PCDHGA4: variants seen among roughly 807,000 people sequenced by gnomAD.
PCDHGA4 encodes the protein protocadherin gamma subfamily A, 4, also known as protocadherin gamma-A4.
In PCDHGA4, 38 loss-of-function variants were observed where a neutral mutation model predicts 54.6. The observed-to-expected ratio is 0.70, with a 90% CI of 0.54 to 0.91. The LOEUF (loss-of-function observed/expected upper bound fraction) is 0.91. Among genes scored for constraint, PCDHGA4 ranks in the 40% least tolerant of loss-of-function variants. The pLI, the probability that PCDHGA4 is intolerant of heterozygous loss-of-function variation, is 0.00. For missense variants in PCDHGA4, 1,298 were observed against 1,220.9 expected, an observed-to-expected ratio of 1.06 and a Z score of -0.94; for synonymous variants, 511 against 512.9, an observed-to-expected ratio of 1.00 and a Z score of 0.05.
intron 1 of PCDHGA4, chr5:141,365,242 A>G (rs536146431): frequency 6.2e-7 from 1 of 1,613,960 alleles, no homozygotes; most frequent in Admixed American, 1.7e-5. Flanking sequence ...TCTCAACTCT[A>G]CAATCACTGG....
chr5:141,374,328 G>A, intron 1 of PCDHGA4: 5 of 1,613,996 alleles, frequency 3.1e-6, no homozygotes, highest in Non-Finnish European at 4.2e-6. Context: ...CCGCGAAACG[G>A]CAGCTTGGTC....
At chr5:141,471,590 T>C (rs2099260583) in intron 1 of PCDHGA4, 1 of 152,120 alleles carries the variant, frequency 6.6e-6, no homozygotes. Flanking sequence ...AAGTAATTGA[T>C]AGTTTCAAAA....
chr5:141,481,730 G>A (rs778885944), intron 1 of PCDHGA4, among the ~76,000 whole-genome samples: 1 of 151,952 alleles, frequency 6.6e-6, no homozygotes, highest in African/African-American at 2.4e-5. Context: ...GAGGCGGGCG[G>A]ATCACGAGGT....
At position 141,395,545 on chromosome 5, in the gene PCDHGA4, TGTG is replaced by T. The variant is rs1561655187; in HGVS notation, c.2514+37925_2514+37927del. The T allele has an allele frequency of 2.9e-4, 51 of 177,126 alleles. 1 individual carries two copies. The highest frequency in any genetic ancestry group is 1.2e-3 in the African/African-American group (46 of 38,988). 11.0% of individuals were successfully genotyped at this position (177,126 alleles called of 1,614,324 possible). A position where few individuals can be genotyped will look rare whatever the true frequency, so the allele number is the denominator to read the frequency against. ...ATACTGGTAATTTTGCTATTGTTTG[TGTG>T]TGTGTGTGTGTGTGTGTGTGTGTGT... is the stretch of plus-strand genomic sequence containing the variant. On this transcript the variant is annotated intron_variant, in intron 1 of 3. Coordinates refer to ENST00000571252, the MANE Select transcript of PCDHGA4 (RefSeq NM_018917.4).
chr5:141,421,885 G>T, intron 1 of PCDHGA4: 1 of 1,613,692 alleles, frequency 6.2e-7, no homozygotes, highest in Non-Finnish European at 8.5e-7. Context: ...AGATGGAGGC[G>T]ATCCCATCCG....
At chr5:141,460,965 G>A (rs1398642676) in intron 1 of PCDHGA4, among the ~76,000 whole-genome samples, 21 of 114,476 alleles carry the variant, frequency 1.8e-4, no homozygotes, top group African/African-American at 8.5e-4. Flanking sequence ...ATATATATGT[G>A]TGTGTGTGTG....
At position 141,489,125 on chromosome 5, in the gene PCDHGA4, G is replaced by T. The variant is rs537146985; in HGVS notation, c.2515-5682G>T. 1.1e-4 allele frequency: 77 copies of T among 728,124 alleles called. No individual in the cohort carries two copies. The East Asian group carries it at 1.9e-3, about 18-fold the overall frequency. 45.1% of individuals were successfully genotyped at this position (728,124 alleles called of 1,614,324 possible). A position where few individuals can be genotyped will look rare whatever the true frequency, so the allele number is the denominator to read the frequency against. ...CTGCAAGCAGGCAAACCTCCGAGCAGTTTTTAAGAGGCTGGAAGGAGACAT... is the reference window on the plus strand; with the variant it reads ...CTGCAAGCAGGCAAACCTCCGAGCATTTTTTAAGAGGCTGGAAGGAGACAT... On this transcript the variant is annotated intron_variant, in intron 1 of 3. Coordinates refer to ENST00000571252, the MANE Select transcript of PCDHGA4 (RefSeq NM_018917.4). The surrounding 1 kb of genome is among the most constrained non-coding windows in gnomAD (Gnocchi z 4.5).
At chr5:141,419,172 T>A in intron 1 of PCDHGA4, 1 of 1,613,914 alleles carries the variant, frequency 6.2e-7, no homozygotes, top group Non-Finnish European at 8.5e-7. Context: ...AGCAAAACCA[T>A]AACCCTGCAC....
rs1353944459 is a variant in PCDHGA4, at chr5:141,365,774, G to A, written c.2514+8153G>A. 3 of 1,613,874 alleles carry A rather than the reference G, an allele frequency of 1.9e-6. No individual in the cohort carries two copies. The highest frequency in any genetic ancestry group is 1.3e-5 in the African/African-American group (1 of 75,032). On this transcript the variant is annotated intron_variant, in intron 1 of 3. Transcript: ENST00000571252. ...TGTGACAGCCCATGACCCCGACAGC[G>A]GCGACAACGCTCGAGTCACCTACTC...
rs1001555249 is a variant in PCDHGA4, at chr5:141,486,728, G to A, written c.2515-8079G>A. The A allele has an allele frequency of 1.2e-6, 2 of 1,614,200 alleles. No homozygotes were observed. The highest frequency in any genetic ancestry group is 1.7e-6 in the Non-Finnish European group (2 of 1,180,052). On this transcript the variant is annotated intron_variant, in intron 1 of 3. Transcript: ENST00000571252. This position sits in a 1 kb window ranked among gnomAD's most constrained non-coding sequence, Gnocchi z 5.0. Reference sequence around the variant, plus strand: ...GAACCCCCAGACAGGAGCTGTTCATGCTACTCGATCCTTTGACTATGAGCA... The same window carrying A: ...GAACCCCCAGACAGGAGCTGTTCATACTACTCGATCCTTTGACTATGAGCA...
At chr5:141,419,576 G>A (rs958064613) in intron 1 of PCDHGA4, 10 of 1,611,766 alleles carry the variant, frequency 6.2e-6, no homozygotes, top group Non-Finnish European at 6.8e-6. Flanking sequence ...CGACGGCTCC[G>A]CGCTCTTCGA....
At chr5:141,357,680 A>C (rs913716274) in intron 1 of PCDHGA4, 59 bp downstream of exon 1, 1 of 1,580,070 alleles carries the variant, frequency 6.3e-7, no homozygotes, top group Admixed American at 1.8e-5. Flanking sequence ...AGTTGTGTAA[A>C]TGTCTCTCAT....
intron 1 of PCDHGA4, chr5:141,414,679 G>T: frequency 6.2e-7 from 1 of 1,613,960 alleles, no homozygotes; most frequent in South Asian, 1.1e-5. Context: ...CACCATCCAG[G>T]GGGTACCTCT....
At chr5:141,423,701 G>A in intron 1 of PCDHGA4, 1 of 1,312,668 alleles carries the variant, frequency 7.6e-7, no homozygotes, top group Non-Finnish European at 9.9e-7. Flanking sequence ...TGGTGTCTTG[G>A]CACAAGTCTT....
At chr5:141,423,050 G>T (rs1434973750) in intron 1 of PCDHGA4, 2 of 1,614,068 alleles carry the variant, frequency 1.2e-6, no homozygotes, top group Admixed American at 1.7e-5. Context: ...CTGTCCTATC[G>T]CCTGCTTAAG....
chr5:141,370,453 T>A lies in PCDHGA4; in HGVS notation c.2514+12832T>A, dbSNP rs6860590. ...GGGCAGAGGCGAATGCTATTTCTCT[T>A]CCTGCTCTCTTTGTTAGACCAGGCT... On this transcript the variant is annotated intron_variant, in intron 1 of 3. Transcript: ENST00000571252. 2,396 of 1,611,648 alleles carry A rather than the reference T, an allele frequency of 1.5e-3. 32 individuals are homozygous for A. In the African/African-American group the frequency reaches 0.028, roughly 19 times the overall value.
At chr5:141,374,428 T>A in intron 1 of PCDHGA4, 16 of 1,613,952 alleles carry the variant, frequency 9.9e-6, no homozygotes, top group Non-Finnish European at 1.4e-5. Context: ...ATAAACTGAA[T>A]CTTTATCCCG....
At chr5:141,358,301 A>G (rs1561516430) in intron 1 of PCDHGA4, among the ~76,000 whole-genome samples, 2 of 152,228 alleles carry the variant, frequency 1.3e-5, no homozygotes, top group South Asian at 2.1e-4. Flanking sequence ...GTAAATTCAC[A>G]TTTACAATAT....
chr5:141,494,074 C>A (rs2099751716), intron 1 of PCDHGA4, among the ~76,000 whole-genome samples: 1 of 152,180 alleles, frequency 6.6e-6, no homozygotes, highest in Non-Finnish European at 1.5e-5. Context: ...GGATCCCTCC[C>A]CGCTGCATCC....
Sources: allele counts gnomAD v4.1 joint callset (sites outside exome capture counted in the v4.1 genomes callset), GRCh38; gene constraint gnomAD v4.1.1; non-coding constraint Gnocchi (gnomAD v3.1); transcripts MANE v1.5; gene names NCBI Gene and HGNC (gene_info 2026-07-23, HGNC 2026-07-21).